DOCK2: variants seen among roughly 807,000 people sequenced by gnomAD.
DOCK2 encodes the protein dedicator of cytokinesis 2.
Under a neutral mutation model 248.9 loss-of-function variants are expected in DOCK2, and 87 were observed. The ratio of observed to expected loss-of-function variants is 0.35; its 90% confidence interval spans 0.29 to 0.42. The LOEUF is 0.42. DOCK2 is among the 10% of genes least tolerant of loss of function. The pLI, the probability that DOCK2 is intolerant of heterozygous loss-of-function variation, is 1.00. For synonymous variants in DOCK2, 805 were observed against 821.6 expected (o/e 0.98, Z 0.35); for missense variants, 1,747 against 2,300.2 (o/e 0.76, Z 4.92).
At chr5:169,806,747 C>T (rs1377082154) in intron 26 of DOCK2, among the ~76,000 whole-genome samples, 2 of 152,118 alleles carry the variant, frequency 1.3e-5, no homozygotes, top group African/African-American at 4.8e-5. Flanking sequence ...CGGCAGTCCC[C>T]ATTCTGAGTC....
intron 25 of DOCK2, among the ~76,000 whole-genome samples, chr5:169,792,590 G>A (rs549990367): frequency 2.6e-5 from 4 of 152,144 alleles, no homozygotes; most frequent in Admixed American, 2.6e-4. Context: ...GGGACTGCAG[G>A]TGCATGCCCA....
intron 8 of DOCK2, among the ~76,000 whole-genome samples, chr5:169,687,258 G>A (rs1485335910): frequency 6.6e-6 from 1 of 152,126 alleles, no homozygotes; most frequent in South Asian, 2.1e-4. Context: ...TTCCTAGTTA[G>A]TTTACTGCAA....
At chr5:169,894,015 A>G (rs1051248794) in intron 27 of DOCK2, among the ~76,000 whole-genome samples, 9 of 152,240 alleles carry the variant, frequency 5.9e-5, no homozygotes, top group African/African-American at 2.2e-4. Context: ...ATGCTCCAGT[A>G]TAGACCAGTC....
At position 169,718,352 on chromosome 5, in the gene DOCK2, A is replaced by G. The variant is rs147494636; in HGVS notation, c.2133-305A>G. 2.6e-3 allele frequency among the ~76,000 whole-genome samples: 398 copies of G among 152,294 alleles called. 1 individual carries two copies. Among genetic ancestry groups the G allele is most frequent in the African/African-American group, 8.9e-3 (370 of 41,556 alleles). The stretch of plus-strand genomic sequence containing the variant: ...GAAAGAAAAAGTTGAAAAAAAAGAC[A>G]TTATTGCCACCATTATTCCCCATTA... On this transcript the variant is annotated intron_variant, in intron 21 of 51. Transcript: ENST00000520908.
At chr5:169,700,214 A>G (rs1760883961) in intron 13 of DOCK2, 75 bp downstream of exon 13, 2 of 1,539,520 alleles carry the variant, frequency 1.3e-6, no homozygotes, top group African/African-American at 1.4e-5. Flanking sequence ...TTTTCCTTCT[A>G]AAGAGTCAAC....
chr5:169,691,665 A>G (rs1760309986), intron 9 of DOCK2, among the ~76,000 whole-genome samples: 1 of 151,880 alleles, frequency 6.6e-6, no homozygotes, highest in Non-Finnish European at 1.5e-5. Context: ...ATGAGATAAG[A>G]CTTGGCAAGC....
chr5:169,648,204 T>G (rs1007707578), intron 1 of DOCK2, among the ~76,000 whole-genome samples: 1 of 152,138 alleles, frequency 6.6e-6, no homozygotes, highest in African/African-American at 2.4e-5. Context: ...ATCTTTGTTA[T>G]GGGGCTGTCC....
chr5:169,787,500 C>T (rs769066203), intron 25 of DOCK2, among the ~76,000 whole-genome samples: 26 of 152,314 alleles, frequency 1.7e-4, no homozygotes, highest in Admixed American at 3.9e-4. Flanking sequence ...CAGGTGGGCT[C>T]ACTGGGCCCC....
intron 27 of DOCK2, among the ~76,000 whole-genome samples, chr5:169,912,385 T>C (rs1047198503): frequency 6.6e-6 from 1 of 152,170 alleles, no homozygotes; most frequent in Non-Finnish European, 1.5e-5. Flanking sequence ...CATTGTCTAT[T>C]GGCTTTCAGG....
intron 26 of DOCK2, among the ~76,000 whole-genome samples, chr5:169,837,084 C>T (rs1445495354): frequency 1.3e-5 from 2 of 152,242 alleles, no homozygotes; most frequent in East Asian, 3.9e-4. Flanking sequence ...CCCAGCTCAC[C>T]TTCTGCTGTG....
chr5:169,722,423 C>G (rs867581383), intron 22 of DOCK2, among the ~76,000 whole-genome samples: 4 of 152,210 alleles, frequency 2.6e-5, no homozygotes, highest in Non-Finnish European at 4.4e-5. Context: ...ACAGGAGTTG[C>G]TCCCACTTGT....
intron 22 of DOCK2, among the ~76,000 whole-genome samples, chr5:169,720,594 A>G (rs975336381): frequency 6.6e-6 from 1 of 152,164 alleles, no homozygotes; most frequent in Non-Finnish European, 1.5e-5. Flanking sequence ...TTGTGGAATT[A>G]TACAGAGTTT....
At chr5:170,041,214 T>A in intron 37 of DOCK2, 69 bp downstream of exon 37, 1 of 1,390,404 alleles carries the variant, frequency 7.2e-7, no homozygotes. Context: ...AGTTGAAGAG[T>A]GAAAAAAGAA....
At chr5:169,951,680 A>G (rs906450554) in intron 27 of DOCK2, among the ~76,000 whole-genome samples, 3 of 152,260 alleles carry the variant, frequency 2.0e-5, no homozygotes, top group Admixed American at 1.3e-4. Context: ...TAATAATGGT[A>G]TAATTTTGAG....
chr5:169,876,047 C>A (rs1561786843), intron 27 of DOCK2, among the ~76,000 whole-genome samples: 1 of 152,180 alleles, frequency 6.6e-6, no homozygotes, highest in Non-Finnish European at 1.5e-5. Flanking sequence ...GAGAAAACAT[C>A]CCTTGCCTTC....
rs1422415052 is a variant in DOCK2 at position 169,820,144 on chromosome 5, C to T, written c.2703+16938C>T. 3.3e-5 allele frequency among the ~76,000 whole-genome samples: 5 copies of T among 152,220 alleles called. No homozygotes were observed. In the South Asian group the frequency reaches 8.3e-4, roughly 25 times the overall value. On this transcript the variant is annotated intron_variant, in intron 26 of 51. Transcript: ENST00000520908. Reference sequence around the variant, plus strand: ...CAGGAAGCTCAAACTGGGTGGAGCCCAACGCAGCTCAAGGAGGCCTGCATG... The same window carrying T: ...CAGGAAGCTCAAACTGGGTGGAGCCTAACGCAGCTCAAGGAGGCCTGCATG...
At chr5:169,708,295 A>C (rs1157079536) in intron 15 of DOCK2, 28 bp downstream of exon 15, 1 of 1,596,282 alleles carries the variant, frequency 6.3e-7, no homozygotes, top group East Asian at 2.2e-5. Flanking sequence ...CAGCAAACAC[A>C]TGTCTAGTTC....
At chr5:169,824,779 T>C (rs1380775102) in intron 26 of DOCK2, among the ~76,000 whole-genome samples, 2 of 152,096 alleles carry the variant, frequency 1.3e-5, no homozygotes, top group African/African-American at 4.8e-5. Flanking sequence ...AAATGCAATC[T>C]AAATAAACTA....
At chr5:169,849,041 C>T (rs975853966) in intron 27 of DOCK2, among the ~76,000 whole-genome samples, 3 of 152,132 alleles carry the variant, frequency 2.0e-5, no homozygotes, top group Admixed American at 2.0e-4. Context: ...CAACTCCTCC[C>T]AACCCCAGTC....
Sources: gnomAD v4.1 joint callset for allele counts (sites outside exome capture counted in the v4.1 genomes callset) on GRCh38, gnomAD v4.1.1 for gene constraint, MANE v1.5 for transcripts, NCBI Gene and HGNC (gene_info 2026-07-23, HGNC 2026-07-21) for gene names.